Variants in KIF26B observed in about 807,000 individuals in gnomAD.
The protein encoded by KIF26B is kinesin family member 26B.
In KIF26B, 63 loss-of-function variants were observed where a neutral mutation model predicts 151.2. That is an observed-to-expected ratio of 0.42 (90% CI 0.34 to 0.51). The LOEUF is 0.51. KIF26B is among the 20% of genes least tolerant of loss of function. The pLI is 0.07. For missense variants in KIF26B, 2,813 were observed against 2,913.6 expected (o/e 0.97, Z 0.79); for synonymous variants, 1,357 against 1,262.1 (o/e 1.08, Z -1.59).
At chr1:245,397,295 A>AT (rs933952132) in intron 3 of KIF26B, among the ~76,000 whole-genome samples, 1 of 150,394 alleles carries the variant, frequency 6.6e-6, no homozygotes, top group African/African-American at 2.5e-5. Flanking sequence ...AGTTTACCGC[A>AT]TCCTCCACTT....
At chr1:245,681,589 T>TG (rs1260736695) in intron 10 of KIF26B, among the ~76,000 whole-genome samples, 1 of 152,110 alleles carries the variant, frequency 6.6e-6, no homozygotes, top group East Asian at 1.9e-4. Context: ...CATCTGTATG[T>TG]GGGGCCACTC....
At chr1:245,523,883 G>A (rs181506697) in intron 4 of KIF26B, among the ~76,000 whole-genome samples, 15 of 152,300 alleles carry the variant, frequency 9.8e-5, no homozygotes, top group African/African-American at 3.6e-4. Context: ...ACCATTAGAT[G>A]TGAGCCCCTC....
intron 2 of KIF26B, among the ~76,000 whole-genome samples, chr1:245,253,941 C>A (rs1014786433): frequency 7.9e-5 from 12 of 151,248 alleles, no homozygotes; most frequent in Admixed American, 7.9e-4. Context: ...TCCCGAGTAG[C>A]TGGGACTACA....
rs574362934 is a variant in KIF26B, at chr1:245,156,377, G to A, written c.159G>A (p.Arg53=). ...ACGAGGAGTCGCGCGCCGGCAGCCG[G>A]CCCACTCCTGAGGGCGCGGGCTCAG... is the stretch of plus-strand genomic sequence containing the variant. ...KAYEESRAGS[R]PTPEGAGSAL... is the part of the protein sequence containing the mutation. The change falls in exon 2 of 15, where the codon CGG becomes CGA. Residue 53 remains arginine, a synonymous_variant. Transcript: ENST00000407071. 1.9e-5 allele frequency: 30 copies of A among 1,543,236 alleles called. No individual in the cohort carries two copies. The African/African-American group carries it at 4.2e-4, about 21-fold the overall frequency.
chr1:245,269,765 AC>A (rs889366347), intron 2 of KIF26B, among the ~76,000 whole-genome samples: 5 of 140,036 alleles, frequency 3.6e-5, no homozygotes, highest in Admixed American at 1.4e-4. Context: ...ACCTGCCCCC[AC>A]CCCCTGCCAC....
chr1:245,386,074 C>A (rs1429343937), intron 3 of KIF26B, among the ~76,000 whole-genome samples: 1 of 152,090 alleles, frequency 6.6e-6, no homozygotes, highest in East Asian at 1.9e-4. Context: ...AACCCCATCT[C>A]TACTAAAAAT....
chr1:245,196,314 C>G (rs1285684405), intron 2 of KIF26B, among the ~76,000 whole-genome samples: 1 of 152,168 alleles, frequency 6.6e-6, no homozygotes, highest in Admixed American at 6.5e-5. Flanking sequence ...CCTGGGCTCC[C>G]TAAGTCCATT....
chr1:245,709,195 T>G lies in KIF26B; in HGVS notation c.*6589T>G, dbSNP rs2044877003. 6.6e-6 allele frequency: 1 copy of G among 152,224 alleles called. No individual in the cohort carries two copies. Among genetic ancestry groups the G allele is most frequent in the Non-Finnish European group, 1.5e-5 (1 of 68,044 alleles). The allele number at this position is 152,224 out of a possible 1,614,324, so 9.4% of individuals were successfully genotyped here. A position where few individuals can be genotyped will look rare whatever the true frequency, so the allele number is the denominator to read the frequency against. On this transcript the variant is annotated 3_prime_UTR_variant, in exon 15 of 15. Transcript: ENST00000407071. ...TATAAACGTTAGGTGTTGGCTTGAT[T>G]ATGATAAATATGAGCAGGCTCCCTG... is the stretch of plus-strand genomic sequence containing the variant.
At chr1:245,177,016 C>T (rs1166591576) in intron 2 of KIF26B, among the ~76,000 whole-genome samples, 1 of 152,226 alleles carries the variant, frequency 6.6e-6, no homozygotes, top group Non-Finnish European at 1.5e-5. Flanking sequence ...AGTGCAGCAG[C>T]ATGATCCTAG....
chr1:245,159,900 G>A (rs904734157), intron 2 of KIF26B, among the ~76,000 whole-genome samples: 3 of 152,184 alleles, frequency 2.0e-5, no homozygotes, highest in Non-Finnish European at 4.4e-5. Flanking sequence ...TTATTTGAAC[G>A]TAACGGAGTG....
At chr1:245,439,623 A>G (rs1441812027) in intron 4 of KIF26B, among the ~76,000 whole-genome samples, 1 of 152,224 alleles carries the variant, frequency 6.6e-6, no homozygotes, top group Non-Finnish European at 1.5e-5. Context: ...TTAGGTAATA[A>G]AAAATCATCA....
intron 3 of KIF26B, among the ~76,000 whole-genome samples, chr1:245,387,033 G>T (rs1358404044): frequency 1.3e-5 from 2 of 152,178 alleles, no homozygotes; most frequent in African/African-American, 4.8e-5. Context: ...GCATCTGAAA[G>T]AATGCTTCAT....
At chr1:245,442,588 A>T (rs1210019683) in intron 4 of KIF26B, among the ~76,000 whole-genome samples, 1 of 152,176 alleles carries the variant, frequency 6.6e-6, no homozygotes, top group Non-Finnish European at 1.5e-5. Context: ...TTTTAGCTTC[A>T]GCCTGACCAT....
chr1:245,193,687 C>T (rs1669147312), intron 2 of KIF26B, among the ~76,000 whole-genome samples: 1 of 152,220 alleles, frequency 6.6e-6, no homozygotes, highest in Non-Finnish European at 1.5e-5. Flanking sequence ...CCCAGTTTTA[C>T]AGATGAGAAA....
At chr1:245,568,733 G>A (rs1387893870) in intron 5 of KIF26B, among the ~76,000 whole-genome samples, 1 of 152,184 alleles carries the variant, frequency 6.6e-6, no homozygotes, top group African/African-American at 2.4e-5. Context: ...AGTTGATTTT[G>A]TGTCTTGCAT....
rs1661591309 is a variant in KIF26B at position 245,540,590 on chromosome 1, G to A, written c.1167-177G>A. The stretch of plus-strand genomic sequence containing the variant: ...CTTTTGTCGTATAAATGATTGGGTA[G>A]CTCGTTAACTTCACTCTGTTATAGT... On this transcript the variant is annotated intron_variant, in intron 4 of 14. Transcript: ENST00000407071. The surrounding 1 kb of genome is among the most constrained non-coding windows in gnomAD (Gnocchi z 4.6). 1.2e-5 allele frequency: 9 copies of A among 734,014 alleles called. No individual in the cohort carries two copies. The East Asian group carries it at 2.3e-4, about 19-fold the overall frequency. The allele number at this position is 734,014 out of a possible 1,614,324, so 45.5% of individuals were successfully genotyped here.
chr1:245,707,339 A>C lies in KIF26B; in HGVS notation c.*4733A>C, dbSNP rs549146874. ...AGGCGAGTACTGAAATACCACACTC[A>C]CACATCTATTCCATGCGTACCTAGA... On this transcript the variant is annotated 3_prime_UTR_variant, in exon 15 of 15. Transcript: ENST00000407071. 10 of 152,294 alleles carry C rather than the reference A, an allele frequency of 6.6e-5. No individual in the cohort carries two copies. The South Asian group carries it at 2.1e-3, about 32-fold the overall frequency. 9.4% of individuals were successfully genotyped at this position (152,294 alleles called of 1,614,324 possible). A position where few individuals can be genotyped will look rare whatever the true frequency, so the allele number is the denominator to read the frequency against.
At chr1:245,215,094 C>G (rs542999915) in intron 2 of KIF26B, among the ~76,000 whole-genome samples, 2 of 152,234 alleles carry the variant, frequency 1.3e-5, no homozygotes, top group South Asian at 4.2e-4. Context: ...CAAAGTTTCT[C>G]TGGGAAGTTT....
intron 2 of KIF26B, among the ~76,000 whole-genome samples, chr1:245,272,295 G>T (rs1354379137): frequency 6.6e-6 from 1 of 151,950 alleles, no homozygotes; most frequent in Non-Finnish European, 1.5e-5. Flanking sequence ...GTACAGTGGT[G>T]TGTGCCTGTA....
Sources: allele counts gnomAD v4.1 joint callset (sites outside exome capture counted in the v4.1 genomes callset), GRCh38; gene constraint gnomAD v4.1.1; non-coding constraint Gnocchi (gnomAD v3.1); transcripts MANE v1.5; gene names NCBI Gene and HGNC (gene_info 2026-07-23, HGNC 2026-07-21).